Variants in FTO observed in about 807,000 individuals in gnomAD.
FTO encodes the protein alpha-ketoglutarate-dependent dioxygenase FTO.
Under a neutral mutation model 63.9 loss-of-function variants are expected in FTO, and 47 were observed. The ratio of observed to expected loss-of-function variants is 0.74; its 90% CI spans 0.58 to 0.94. The LOEUF (loss-of-function observed/expected upper bound fraction) is 0.94, where lower values mean the gene tolerates loss of function less well. Ranked by LOEUF, FTO falls within the 40% of genes least tolerant of loss-of-function variation. The pLI, the probability that FTO is intolerant of heterozygous loss-of-function variation, is 0.00. For missense variants in FTO, 562 were observed against 618.1 expected (o/e 0.91, Z 0.96); for synonymous variants, 207 against 224.4 (o/e 0.92, Z 0.69).
At chr16:53,891,798 C>T (rs997415095) in intron 7 of FTO, among the ~76,000 whole-genome samples, 1 of 152,126 alleles carries the variant, frequency 6.6e-6, no homozygotes, top group Non-Finnish European at 1.5e-5. Context: ...GTGGCACATG[C>T]GTTAAGAGGA....
intron 6 of FTO, among the ~76,000 whole-genome samples, chr16:53,884,821 G>A (rs1191443881): frequency 2.0e-5 from 3 of 152,144 alleles, no homozygotes; most frequent in Admixed American, 2.0e-4. Flanking sequence ...CAAAATCAGG[G>A]AGTTTGGTTT....
At position 53,716,999 on chromosome 16, in the gene FTO, T is replaced by C. The variant is rs984477744; in HGVS notation, c.45+12770T>C. ...ATAACTTGCATATTTTTTACTCTGC[T>C]TTTTTTTACCATCCAGTATATTATA... On this transcript the variant is annotated intron_variant, in intron 1 of 8. Coordinates refer to ENST00000471389, the MANE Select transcript of FTO (RefSeq NM_001080432.3). 9.9e-5 allele frequency among the ~76,000 whole-genome samples: 15 copies of C among 151,208 alleles called. No homozygotes were observed. The East Asian group carries it at 1.7e-3, about 18-fold the overall frequency.
chr16:54,066,810 G>A (rs2085743605), intron 8 of FTO, among the ~76,000 whole-genome samples: 1 of 152,208 alleles, frequency 6.6e-6, no homozygotes, highest in Admixed American at 6.5e-5. Context: ...AAAGCAACGG[G>A]ACAAACATTG....
intron 1 of FTO, among the ~76,000 whole-genome samples, chr16:53,724,255 A>T (rs901487488): frequency 6.6e-6 from 1 of 152,184 alleles, no homozygotes; most frequent in East Asian, 1.9e-4. Context: ...ATGTCTGAAA[A>T]ATAGGGTATC....
chr16:53,735,357 CT>C (rs1348307578), intron 1 of FTO, among the ~76,000 whole-genome samples: 1 of 152,182 alleles, frequency 6.6e-6, no homozygotes, highest in African/African-American at 2.4e-5. Context: ...GGTTGATAGT[CT>C]AGTAGGACTG....
chr16:53,908,223 T>A (rs1422272672), intron 7 of FTO, among the ~76,000 whole-genome samples: 1 of 152,226 alleles, frequency 6.6e-6, no homozygotes, highest in African/African-American at 2.4e-5. Flanking sequence ...CAATAAGACA[T>A]CCCTTGTCAG....
At chr16:53,992,679 CAT>C (rs1225136019) in intron 8 of FTO, 1 of 152,058 alleles carries the variant, frequency 6.6e-6, no homozygotes, top group African/African-American at 2.4e-5. Flanking sequence ...GATTGTAACC[CAT>C]TATTAGAGTA....
chr16:53,892,713 T>A (rs1464918751), intron 7 of FTO, among the ~76,000 whole-genome samples: 1 of 152,170 alleles, frequency 6.6e-6, no homozygotes, highest in Non-Finnish European at 1.5e-5. Flanking sequence ...AGGGAATATG[T>A]GCATTACTTT....
intron 5 of FTO, among the ~76,000 whole-genome samples, chr16:53,878,092 A>G (rs1359089616): frequency 6.6e-6 from 1 of 152,154 alleles, no homozygotes; most frequent in Non-Finnish European, 1.5e-5. Context: ...TGAGGTCAGG[A>G]GTTCGAGACC....
chr16:54,115,311 A>G lies in FTO; in HGVS notation c.*3396A>G, dbSNP rs1425324650. The G allele has an allele frequency of 3.3e-5, 5 of 152,278 alleles. No individual in the cohort carries two copies. The highest frequency in any genetic ancestry group is 5.9e-5 in the Non-Finnish European group (4 of 68,106). The allele number at this position is 152,278 out of a possible 1,614,324, so 9.4% of individuals were successfully genotyped here. A position where few individuals can be genotyped will look rare whatever the true frequency, so the allele number is the denominator to read the frequency against. On this transcript the variant is annotated 3_prime_UTR_variant, in exon 9 of 9. Transcript: ENST00000471389. ...GTTTCTTGGTGCTGACCACAGCCTC[A>G]GCAATGAGGCAAGCCTGGGGACCCA...
chr16:53,704,381 G>A (rs1274546254), intron 1 of FTO, 152 bp downstream of exon 1: 3 of 792,106 alleles, frequency 3.8e-6, no homozygotes, highest in Admixed American at 2.0e-5. Context: ...ATATTAGAGG[G>A]GATGTTACAA....
rs567870058 is a variant in FTO at position 53,834,186 on chromosome 16, G to A, written c.751+7695G>A. On this transcript the variant is annotated intron_variant, in intron 3 of 8. Coordinates refer to ENST00000471389, the MANE Select transcript of FTO (RefSeq NM_001080432.3). ...ACTACAGGCGCCCACCACCACACCC[G>A]GCAAATTTTTTGTATTTTTAGTAGA... is the stretch of plus-strand genomic sequence containing the variant. Among the ~76,000 whole-genome samples, 4 of 151,916 alleles carry A rather than the reference G, an allele frequency of 2.6e-5. No individual in the cohort carries two copies. In the East Asian group the frequency reaches 5.8e-4, roughly 22 times the overall value.
intron 8 of FTO, among the ~76,000 whole-genome samples, chr16:53,954,360 A>T (rs1212488983): frequency 6.6e-6 from 1 of 151,990 alleles, no homozygotes; most frequent in Admixed American, 6.6e-5. Context: ...CCCTAGACCT[A>T]CCTCAGAGGG....
chr16:54,103,385 T>C (rs1739808126), intron 8 of FTO, among the ~76,000 whole-genome samples: 1 of 152,192 alleles, frequency 6.6e-6, no homozygotes, highest in Non-Finnish European at 1.5e-5. Context: ...GTGGTCATGG[T>C]TGAAGAACAC....
At chr16:53,787,407 C>T (rs2077778728) in intron 1 of FTO, among the ~76,000 whole-genome samples, 1 of 151,304 alleles carries the variant, frequency 6.6e-6, no homozygotes, top group Admixed American at 6.6e-5. Context: ...GGAAGGCACC[C>T]TAGATAGAGG....
At chr16:53,841,215 T>C (rs1304052148) in intron 3 of FTO, among the ~76,000 whole-genome samples, 1 of 151,224 alleles carries the variant, frequency 6.6e-6, no homozygotes, top group Non-Finnish European at 1.5e-5. Context: ...TCTTCTCCAC[T>C]AGGGCTCTAA....
intron 8 of FTO, among the ~76,000 whole-genome samples, chr16:53,968,130 G>A (rs1278753116): frequency 6.6e-6 from 1 of 152,088 alleles, no homozygotes; most frequent in East Asian, 1.9e-4. Context: ...GCACATACAA[G>A]CACATTGTAT....
chr16:54,033,703 G>C (rs1169238744), intron 8 of FTO, among the ~76,000 whole-genome samples: 3 of 152,102 alleles, frequency 2.0e-5, no homozygotes, highest in African/African-American at 7.2e-5. Flanking sequence ...TGTAATACCA[G>C]CTATATGGGA....
chr16:53,969,777 A>T (rs1179535432), intron 8 of FTO, among the ~76,000 whole-genome samples: 1 of 152,228 alleles, frequency 6.6e-6, no homozygotes, highest in South Asian at 2.1e-4. Flanking sequence ...GAATATGTAT[A>T]GGGAGAAAGA....
Sources: allele counts gnomAD v4.1 joint callset (sites outside exome capture counted in the v4.1 genomes callset), GRCh38; gene constraint gnomAD v4.1.1; transcripts MANE v1.5; gene names NCBI Gene and HGNC (gene_info 2026-07-23, HGNC 2026-07-21).